The following JARID2 variants were observed in gnomAD, a reference collection of about 807,000 sequenced individuals.
The protein encoded by JARID2 is protein Jumonji.
In JARID2, 21 loss-of-function variants were observed where a neutral mutation model predicts 125.6. The observed-to-expected ratio is 0.17, with a 90% CI of 0.12 to 0.24. The LOEUF is 0.24. Among genes scored for constraint, JARID2 ranks in the 10% least tolerant of loss-of-function variants. The pLI, the probability that JARID2 is intolerant of heterozygous loss-of-function variation, is 1.00. For synonymous variants in JARID2, 736 were observed against 661.6 expected (o/e 1.11, Z -1.73); for missense variants, 1,303 against 1,639.6 (o/e 0.79, Z 3.55).
At chr6:15,402,405 ATATCATTAGC>A (rs1294678872) in intron 2 of JARID2, among the ~76,000 whole-genome samples, 1 of 152,218 alleles carries the variant, frequency 6.6e-6, no homozygotes, top group African/African-American at 2.4e-5. Context: ...AGGTAGAAGA[ATATCATTAGC>A]TATCTGTGAA....
chr6:15,405,122 C>T (rs1765596861), intron 2 of JARID2, among the ~76,000 whole-genome samples: 1 of 152,206 alleles, frequency 6.6e-6, no homozygotes, highest in Admixed American at 6.5e-5. Flanking sequence ...ATTTTCCCAA[C>T]GCCCATCATA....
intron 5 of JARID2, among the ~76,000 whole-genome samples, chr6:15,472,997 C>G (rs1769150549): frequency 6.6e-6 from 1 of 152,344 alleles, no homozygotes; most frequent in East Asian, 1.9e-4. Flanking sequence ...GAAACCAACT[C>G]CACTAGAATT....
rs144448704 is a variant in JARID2 at position 15,339,789 on chromosome 6, C to T, written c.46-34328C>T. On this transcript the variant is annotated intron_variant, in intron 1 of 17. Transcript: ENST00000341776. The stretch of plus-strand genomic sequence containing the variant: ...ACCTCAGGTGATGTGCCCTCGTCGG[C>T]CTCCCAAAGTGGTGGGATTACAGGC... 2.2e-4 allele frequency among the ~76,000 whole-genome samples: 34 copies of T among 152,260 alleles called. 1 individual carries two copies. The highest frequency in any genetic ancestry group is 8.2e-4 in the African/African-American group (34 of 41,548).
chr6:15,380,833 G>T (rs980904836), intron 2 of JARID2, among the ~76,000 whole-genome samples: 1 of 152,068 alleles, frequency 6.6e-6, no homozygotes, highest in Non-Finnish European at 1.5e-5. Flanking sequence ...ACGTATTTGT[G>T]AATCAAAATA....
intron 1 of JARID2, among the ~76,000 whole-genome samples, chr6:15,290,628 T>G (rs1761169697): frequency 6.6e-6 from 1 of 152,154 alleles, no homozygotes; most frequent in Non-Finnish European, 1.5e-5. Flanking sequence ...GGATGTTTTT[T>G]TCCCCCCCAA....
intron 16 of JARID2, among the ~76,000 whole-genome samples, chr6:15,513,930 C>A (rs1275239430): frequency 6.6e-6 from 1 of 152,232 alleles, no homozygotes; most frequent in African/African-American, 2.4e-5. Flanking sequence ...CAGAATCTAT[C>A]CTTGGTGAAA....
At chr6:15,508,123 C>G (rs1212380457) in intron 11 of JARID2, among the ~76,000 whole-genome samples, 1 of 152,214 alleles carries the variant, frequency 6.6e-6, no homozygotes, top group African/African-American at 2.4e-5. Context: ...ATGAGGCCGA[C>G]GTGCTCCTGA....
At chr6:15,486,973 C>T (rs1327379281) in intron 5 of JARID2, among the ~76,000 whole-genome samples, 4 of 152,090 alleles carry the variant, frequency 2.6e-5, no homozygotes, top group South Asian at 4.2e-4. Flanking sequence ...CTCACAGGTC[C>T]GCATGGCTGG....
chr6:15,355,589 T>A (rs1763571599), intron 1 of JARID2, among the ~76,000 whole-genome samples: 1 of 151,998 alleles, frequency 6.6e-6, no homozygotes, highest in Non-Finnish European at 1.5e-5. Context: ...TTTTAGTCCT[T>A]AGTGCATTCC....
intron 1 of JARID2, among the ~76,000 whole-genome samples, chr6:15,357,635 G>A (rs192972148): frequency 1.3e-3 from 200 of 152,166 alleles, no homozygotes; most frequent in African/African-American, 4.5e-3. Flanking sequence ...ACCCTTGGTC[G>A]AGAAATTCTG....
chr6:15,262,926 G>A (rs560355529), intron 1 of JARID2, among the ~76,000 whole-genome samples: 3 of 152,234 alleles, frequency 2.0e-5, no homozygotes, highest in East Asian at 1.9e-4. Flanking sequence ...TTAGAAAAGC[G>A]TGCTTATACG....
chr6:15,306,208 C>A (rs1761815906), intron 1 of JARID2, among the ~76,000 whole-genome samples: 1 of 151,822 alleles, frequency 6.6e-6, no homozygotes, highest in South Asian at 2.1e-4. Context: ...TTGAGGGGGA[C>A]AATCTCCTTT....
chr6:15,365,381 C>G (rs1202060263), intron 1 of JARID2, among the ~76,000 whole-genome samples: 1 of 152,164 alleles, frequency 6.6e-6, no homozygotes, highest in Non-Finnish European at 1.5e-5. Flanking sequence ...TTGCGTGGTT[C>G]TGGCTGCTCT....
In JARID2 at chr6:15,467,181, C is replaced by T. The variant is rs530043823; in HGVS notation, c.494-1361C>T. 2.6e-5 allele frequency among the ~76,000 whole-genome samples: 4 copies of T among 152,284 alleles called. No homozygotes were observed. In the South Asian group the frequency reaches 8.3e-4, roughly 32 times the overall value. ...GGGTGCTTGGTTTGCCATCTCAGCT[C>T]CTGATACTGCTCATTTTCCATTTCC... On this transcript the variant is annotated intron_variant, in intron 4 of 17. Coordinates refer to ENST00000341776, the MANE Select transcript of JARID2 (RefSeq NM_004973.4).
At chr6:15,299,606 T>G (rs983850687) in intron 1 of JARID2, among the ~76,000 whole-genome samples, 3 of 152,088 alleles carry the variant, frequency 2.0e-5, no homozygotes, top group African/African-American at 7.2e-5. Context: ...GTTAGGCCAG[T>G]TAGGGGGAAA....
Position 15,487,155 on chromosome 6 carries a change from T to TC in JARID2, c.671-150dup, listed in dbSNP as rs139125931. The TC allele has an allele frequency of 4.1e-3, 2,688 of 652,480 alleles. 109 individuals carry two copies. The East Asian group carries it at 0.072, about 17-fold the overall frequency. The allele number at this position is 652,480 out of a possible 1,614,324, so 40.4% of individuals were successfully genotyped here. ...AGCATAGGGGAAACTGCCTCCATGA[T>TC]CCAGTCACCTCCCACCAGTTCCCTC... On this transcript the variant is annotated intron_variant, in intron 5 of 17. Transcript: ENST00000341776.
Position 15,452,097 on chromosome 6 carries a change from C to T in JARID2, c.415C>T (p.Pro139Ser), listed in dbSNP as rs774558475. ...AAAGATAGTGGAGCCATTGCTACCC[C>T]CTCCAGCTACTCAGATATCAGACCT... is the stretch of plus-strand genomic sequence containing the variant. ...PVKIVEPLLP[P>S]PATQISDLSK... Residue 139 changes from proline (P) to serine (S), a missense_variant, in exon 4 of 18, where the codon CCT (proline) becomes TCT (serine). Transcript: ENST00000341776. The T allele has an allele frequency of 6.2e-7, 1 of 1,614,084 alleles. No homozygotes were observed. Among genetic ancestry groups the T allele is most frequent in the South Asian group, 1.1e-5 (1 of 91,070 alleles).
chr6:15,270,114 T>A (rs1433385963), intron 1 of JARID2, among the ~76,000 whole-genome samples: 3 of 152,160 alleles, frequency 2.0e-5, no homozygotes, highest in African/African-American at 7.2e-5. Context: ...CCTTCCTTCC[T>A]TCAGTCCGTC....
At chr6:15,451,115 G>GT (rs1767902461) in intron 3 of JARID2, among the ~76,000 whole-genome samples, 1 of 152,146 alleles carries the variant, frequency 6.6e-6, no homozygotes, top group South Asian at 2.1e-4. Context: ...GTGAGCTGAG[G>GT]TGGCAACACA....
Sources: gnomAD v4.1 joint callset for allele counts (sites outside exome capture counted in the v4.1 genomes callset) on GRCh38, gnomAD v4.1.1 for gene constraint, MANE v1.5 for transcripts, NCBI Gene and HGNC (gene_info 2026-07-23, HGNC 2026-07-21) for gene names.